DTWD2: variants seen among roughly 807,000 people sequenced by gnomAD.
DTWD2 encodes the protein tRNA-uridine aminocarboxypropyltransferase 2.
DTWD2 carries 39 observed loss-of-function variants against 31.8 expected under a neutral mutation model. The observed-to-expected ratio is 1.22, with a 90% CI of 0.95 to 1.60. The LOEUF is 1.60. DTWD2 is among the 40% of genes most tolerant of loss of function. The probability of loss-of-function intolerance (pLI) is 0.00; values close to 1 mark genes in which losing one functional copy is unlikely to be tolerated. For missense variants in DTWD2, 515 were observed against 381.5 expected, an observed-to-expected ratio of 1.35 and a Z score of -2.92; for synonymous variants, 180 against 142.8, an observed-to-expected ratio of 1.26 and a Z score of -1.86.
intron 1 of DTWD2, among the ~76,000 whole-genome samples, chr5:118,949,761 G>A (rs1754418114): frequency 6.6e-6 from 1 of 152,172 alleles, no homozygotes; most frequent in Non-Finnish European, 1.5e-5. Flanking sequence ...CACAAGGGGA[G>A]GATGTGAAGG....
intron 5 of DTWD2, among the ~76,000 whole-genome samples, chr5:118,843,749 G>T (rs990584239): frequency 4.6e-5 from 7 of 152,200 alleles, no homozygotes; most frequent in African/African-American, 1.4e-4. Context: ...GTAATGAAGA[G>T]AATGAATTTT....
At chr5:118,911,703 C>T (rs757741983) in intron 4 of DTWD2, among the ~76,000 whole-genome samples, 1 of 152,132 alleles carries the variant, frequency 6.6e-6, no homozygotes, top group Non-Finnish European at 1.5e-5. Context: ...TAATATTATT[C>T]AGCCTTAAAA....
intron 4 of DTWD2, among the ~76,000 whole-genome samples, chr5:118,922,959 A>G (rs1463158984): frequency 6.6e-6 from 1 of 152,174 alleles, no homozygotes; most frequent in South Asian, 2.1e-4. Context: ...AGAACTCCTC[A>G]AAAGTTTTTA....
chr5:118,986,984 A>AT (rs57310819), intron 1 of DTWD2, among the ~76,000 whole-genome samples: 1 of 152,316 alleles, frequency 6.6e-6, no homozygotes, highest in Non-Finnish European at 1.5e-5. Flanking sequence ...TCAGCAAGCC[A>AT]TTTTTTTAAA....
At position 118,964,614 on chromosome 5, in the gene DTWD2, AT is replaced by A. The variant is rs1310104455; in HGVS notation, c.219-19966del. On this transcript the variant is annotated intron_variant, in intron 1 of 5. Transcript: ENST00000510708. ...GCCGCCACGCCTGACTGGTTTTCGT[AT>A]TTTTTTGGTGGAGACGGGGTTTCGC... 2.5e-3 allele frequency among the ~76,000 whole-genome samples: 381 copies of A among 152,220 alleles called. 1 individual carries two copies. The highest frequency in any genetic ancestry group is 3.2e-3 in the Non-Finnish European group (220 of 68,016).
At chr5:118,959,181 C>CT (rs1306023695) in intron 1 of DTWD2, among the ~76,000 whole-genome samples, 1 of 152,018 alleles carries the variant, frequency 6.6e-6, no homozygotes, top group Non-Finnish European at 1.5e-5. Flanking sequence ...AGACAATATT[C>CT]TTTTTTACCT....
chr5:118,865,508 A>G (rs1169756271), intron 4 of DTWD2, among the ~76,000 whole-genome samples: 1 of 152,220 alleles, frequency 6.6e-6, no homozygotes, highest in Non-Finnish European at 1.5e-5. Flanking sequence ...GAGCGAAAAT[A>G]AAGCTTAAAA....
At chr5:118,850,477 CAAAAAAAAAAAAAAAAAAA>C (rs34808087) in intron 4 of DTWD2, among the ~76,000 whole-genome samples, 1 of 30,466 alleles carries the variant, frequency 3.3e-5, no homozygotes, top group African/African-American at 1.0e-4. Flanking sequence ...GACCCCACCA[CAAAAAAAAAAAAAAAAAAA>C]AAAAAAAAAA....
intron 4 of DTWD2, among the ~76,000 whole-genome samples, chr5:118,899,040 T>G (rs779821164): frequency 6.6e-6 from 1 of 152,224 alleles, no homozygotes; most frequent in Non-Finnish European, 1.5e-5. Flanking sequence ...CCAGCTGAGG[T>G]AGAATTCAGT....
chr5:118,986,513 G>A (rs893386817), intron 1 of DTWD2, among the ~76,000 whole-genome samples: 1 of 152,158 alleles, frequency 6.6e-6, no homozygotes, highest in African/African-American at 2.4e-5. Context: ...AATGAATACA[G>A]TTTAAGTAAA....
At chr5:118,854,512 T>C (rs1752086167) in intron 4 of DTWD2, among the ~76,000 whole-genome samples, 1 of 151,238 alleles carries the variant, frequency 6.6e-6, no homozygotes, top group Non-Finnish European at 1.5e-5. Context: ...AGCACTCATT[T>C]AGAAAAAAAA....
intron 3 of DTWD2, among the ~76,000 whole-genome samples, chr5:118,938,753 T>C (rs770137699): frequency 2.3e-5 from 3 of 129,536 alleles, no homozygotes; most frequent in Non-Finnish European, 4.7e-5. Flanking sequence ...GTAAGCACTA[T>C]ATTAGGCACC....
At chr5:118,944,757 A>C in intron 1 of DTWD2, 108 bp from the exon 2 acceptor site, 5 of 951,650 alleles carry the variant, frequency 5.3e-6, no homozygotes, top group Non-Finnish European at 6.1e-6. Flanking sequence ...AGGTTTGCTA[A>C]AGCTACATTC....
chr5:118,913,438 C>T (rs1312598296), intron 4 of DTWD2, among the ~76,000 whole-genome samples: 7 of 145,900 alleles, frequency 4.8e-5, no homozygotes. Context: ...TATATACACA[C>T]ACACACACAC....
At chr5:118,888,504 A>G (rs1580788434) in intron 4 of DTWD2, among the ~76,000 whole-genome samples, 1 of 152,148 alleles carries the variant, frequency 6.6e-6, no homozygotes, top group African/African-American at 2.4e-5. Context: ...CCATGCACCT[A>G]TTGATGGACA....
intron 3 of DTWD2, among the ~76,000 whole-genome samples, chr5:118,932,147 C>G (rs915924501): frequency 6.6e-6 from 1 of 151,854 alleles, no homozygotes; most frequent in Non-Finnish European, 1.5e-5. Flanking sequence ...AATCAACAGT[C>G]TGAGCTTCCT....
chr5:118,961,658 G>A (rs1227874470), intron 1 of DTWD2, among the ~76,000 whole-genome samples: 1 of 152,160 alleles, frequency 6.6e-6, no homozygotes, highest in African/African-American at 2.4e-5. Flanking sequence ...AGGAATCAAA[G>A]ATTAAAGTAA....
chr5:118,863,977 G>T (rs1752324807), intron 4 of DTWD2, among the ~76,000 whole-genome samples: 1 of 150,964 alleles, frequency 6.6e-6, no homozygotes, highest in Non-Finnish European at 1.5e-5. Flanking sequence ...GCATTAAAAA[G>T]TCCTCCATAA....
rs1274743356 is a variant in DTWD2 at position 118,836,800 on chromosome 5, C to A, written c.*4117G>T. ...CATCTATGAACCAGTGAGTGGGCCC[C>A]TCACCAGACACCAAATCTGCTGGCA... is the stretch of plus-strand genomic sequence containing the variant. On this transcript the variant is annotated 3_prime_UTR_variant, in exon 6 of 6. Transcript: ENST00000510708. Among the ~76,000 whole-genome samples, 2 of 152,170 alleles carry A rather than the reference C, an allele frequency of 1.3e-5. No individual in the cohort carries two copies. The highest frequency in any genetic ancestry group is 4.8e-5 in the African/African-American group (2 of 41,436).
Sources: gnomAD v4.1 joint callset for allele counts (sites outside exome capture counted in the v4.1 genomes callset) on GRCh38, gnomAD v4.1.1 for gene constraint, MANE v1.5 for transcripts, NCBI Gene and HGNC (gene_info 2026-07-23, HGNC 2026-07-21) for gene names.